The following NTAQ1 variants were observed in gnomAD, a reference collection of about 807,000 sequenced individuals.
NTAQ1 encodes protein N-terminal glutamine amidohydrolase.
NTAQ1 carries 21 observed loss-of-function variants against 28.2 expected under a neutral mutation model. The observed-to-expected ratio is 0.74, with a 90% CI of 0.53 to 1.07. The LOEUF (loss-of-function observed/expected upper bound fraction) is 1.07, where lower values mean the gene tolerates loss of function less well. Among genes scored for constraint, NTAQ1 ranks in the 50% least tolerant of loss-of-function variants. The pLI is 0.00. For missense variants in NTAQ1, 264 were observed against 256.6 expected, an observed-to-expected ratio of 1.03 and a Z score of -0.20; for synonymous variants, 105 against 90.0, an observed-to-expected ratio of 1.17 and a Z score of -0.94.
intron 3 of NTAQ1, among the ~76,000 whole-genome samples, chr8:123,430,815 A>G (rs1189170110): frequency 6.6e-6 from 1 of 152,162 alleles, no homozygotes; most frequent in Non-Finnish European, 1.5e-5. Context: ...GATTTAGTAA[A>G]TCTAGAGAGG....
chr8:123,472,036 C>T (rs1461669818), downstream of NTAQ1, among the ~76,000 whole-genome samples: 1 of 152,150 alleles, frequency 6.6e-6, no homozygotes, highest in East Asian at 1.9e-4. Flanking sequence ...GTACCTGTTG[C>T]TTTGTACTGT....
rs148993891 is a variant in NTAQ1 at position 123,439,621 on chromosome 8, C to T, written c.509-1685C>T. On this transcript the variant is annotated intron_variant, in intron 5 of 5. Transcript: ENST00000287387. ...TCGGCCTCCCAAAGTGCTGGGATTA[C>T]AGGCGTGAGCCACCGCGCCGGCCAC... Among the ~76,000 whole-genome samples, 979 of 152,060 alleles carry T rather than the reference C, an allele frequency of 6.4e-3. 17 individuals are homozygous for T. The highest frequency in any genetic ancestry group is 0.022 in the African/African-American group (934 of 41,534).
At position 123,416,827 on chromosome 8, in the gene NTAQ1, G is replaced by C; in HGVS notation, c.-23G>C. The C allele has an allele frequency of 6.6e-7, 1 of 1,523,882 alleles. No homozygotes were observed. Among genetic ancestry groups the C allele is most frequent in the Non-Finnish European group, 8.8e-7 (1 of 1,136,596 alleles). The allele number at this position is 1,523,882 out of a possible 1,614,324, so 94.4% of individuals were successfully genotyped here. The stretch of plus-strand genomic sequence containing the variant: ...GTCCAGTCGGTCTTCCTCCGGCCCG[G>C]GCCCTGGCCCAGCTAGCCGGCCATG... On this transcript the variant is annotated 5_prime_UTR_variant, in exon 1 of 6. Coordinates refer to ENST00000287387, the MANE Select transcript of NTAQ1 (RefSeq NM_018024.3).
At chr8:123,424,322 A>G (rs10096099) in intron 1 of NTAQ1, among the ~76,000 whole-genome samples, 27,719 of 151,754 alleles carry the variant, frequency 0.18, 2,970 homozygotes, top group Non-Finnish European at 0.25. Context: ...AGCTTGCTGC[A>G]ACCGCCGCCT....
intron 1 of NTAQ1, among the ~76,000 whole-genome samples, chr8:123,423,160 T>C (rs1027565836): frequency 6.6e-6 from 1 of 152,102 alleles, no homozygotes; most frequent in African/African-American, 2.4e-5. Flanking sequence ...AGTTTTAGAA[T>C]AGTTTCTTCT....
the NTAQ1 span, among the ~76,000 whole-genome samples, chr8:123,475,121 T>TTTTATTTTATGGG: frequency 3.3e-5 from 5 of 152,334 alleles, no homozygotes; most frequent in South Asian, 2.1e-4. Flanking sequence ...TGAATATTTA[T>TTTTATTTTATGGG]TTTATTTTAT....
At chr8:123,445,649 A>C (rs751832790), downstream of NTAQ1, among the ~76,000 whole-genome samples, 1 of 152,226 alleles carries the variant, frequency 6.6e-6, no homozygotes, top group Non-Finnish European at 1.5e-5. Flanking sequence ...TCTGTTGCCC[A>C]GGTTGGAGTG....
At chr8:123,417,185 G>C (rs1424168771) in intron 1 of NTAQ1, among the ~76,000 whole-genome samples, 2 of 152,214 alleles carry the variant, frequency 1.3e-5, no homozygotes, top group Non-Finnish European at 2.9e-5. Flanking sequence ...GGCGCTTGTC[G>C]GTTGGATTTG....
At chr8:123,419,964 A>T (rs1340541097) in intron 1 of NTAQ1, among the ~76,000 whole-genome samples, 1 of 151,970 alleles carries the variant, frequency 6.6e-6, no homozygotes, top group African/African-American at 2.4e-5. Flanking sequence ...GGTTTGTTAC[A>T]TGGGTAAAGT....
chr8:123,416,787 C>T lies in NTAQ1; in HGVS notation c.-63C>T. 6.8e-7 allele frequency: 1 copy of T among 1,464,264 alleles called. No individual in the cohort carries two copies. The highest frequency in any genetic ancestry group is 9.1e-7 in the Non-Finnish European group (1 of 1,103,814). 90.7% of individuals were successfully genotyped at this position (1,464,264 alleles called of 1,614,324 possible). On this transcript the variant is annotated 5_prime_UTR_variant, in exon 1 of 6. Transcript: ENST00000287387. ...CCCACGCGGGCCACTACAAGCCCGC[C>T]CTTTCCTACGTCTGGTCCAGTCGGT... is the stretch of plus-strand genomic sequence containing the variant.
chr8:123,472,660 A>G (rs1242467901), downstream of NTAQ1, among the ~76,000 whole-genome samples: 1 of 152,238 alleles, frequency 6.6e-6, no homozygotes, highest in Non-Finnish European at 1.5e-5. Context: ...AAGGTCCACC[A>G]TAATCCAGCA....
downstream of NTAQ1, among the ~76,000 whole-genome samples, chr8:123,474,416 T>G (rs1204275984): frequency 6.6e-6 from 1 of 152,214 alleles, no homozygotes. Flanking sequence ...TAATACAATT[T>G]TGGCAAGAAT....
rs1228706827 is a variant in NTAQ1 at position 123,427,971 on chromosome 8, A to G, written c.131A>G (p.Gln44Arg). Residue 44 changes from glutamine to arginine, a missense_variant, in exon 2 of 6, where the codon CAG (glutamine) becomes CGG (arginine). Gln to Arg is a conservative substitution (Grantham distance 43, BLOSUM62 1). Transcript: ENST00000287387. Reference sequence around the variant, plus strand: ...TGTGAATACATCAAAAACCATGACCAGTATCCTTTAGAAGAATGTTATGCT... The same window carrying G: ...TGTGAATACATCAAAAACCATGACCGGTATCCTTTAGAAGAATGTTATGCT... Reference protein sequence around the residue: ...KLCEYIKNHDQYPLEECYAVF... With the variant: ...KLCEYIKNHDRYPLEECYAVF... 1 of 1,611,678 alleles carries G rather than the reference A, an allele frequency of 6.2e-7. No individual in the cohort carries two copies. Among genetic ancestry groups the G allele is most frequent in the South Asian group, 1.1e-5 (1 of 90,228 alleles).
At chr8:123,434,978 T>C (rs569380123) in intron 3 of NTAQ1, among the ~76,000 whole-genome samples, 1 of 152,306 alleles carries the variant, frequency 6.6e-6, no homozygotes, top group South Asian at 2.1e-4. Context: ...AGGCACAGCA[T>C]CCCTAGTCTT....
At chr8:123,426,920 A>G (rs917388530) in intron 1 of NTAQ1, among the ~76,000 whole-genome samples, 2 of 152,154 alleles carry the variant, frequency 1.3e-5, no homozygotes, top group Non-Finnish European at 2.9e-5. Context: ...AGATCACACC[A>G]CTGCACTCCA....
downstream of NTAQ1, among the ~76,000 whole-genome samples, chr8:123,446,907 C>A (rs1305662672): frequency 1.3e-5 from 2 of 152,130 alleles, no homozygotes; most frequent in Non-Finnish European, 2.9e-5. Flanking sequence ...AAAGTAAGAA[C>A]AACAACAACA....
downstream of NTAQ1, among the ~76,000 whole-genome samples, chr8:123,472,850 G>A (rs777669138): frequency 2.6e-5 from 4 of 152,158 alleles, no homozygotes; most frequent in South Asian, 2.1e-4. Context: ...CTGTTAAGTG[G>A]TTGAGCTGAG....
rs115418152 is a variant in NTAQ1 at position 123,468,032 on chromosome 8, T to A, written c.*882T>A. 5.8e-3 allele frequency among the ~76,000 whole-genome samples: 878 copies of A among 152,182 alleles called. 10 individuals are homozygous for A. The highest frequency in any genetic ancestry group is 0.02 in the African/African-American group (837 of 41,510). On this transcript the variant is annotated 3_prime_UTR_variant, in exon 7 of 7. Transcript: ENST00000650311. ...CAAAGTGCTGGAGGTTCAGGATCTCTAAATGAGAGGTAAACAAACTGAAGC... is the reference window on the plus strand; with the variant it reads ...CAAAGTGCTGGAGGTTCAGGATCTCAAAATGAGAGGTAAACAAACTGAAGC...
At chr8:123,420,787 T>G (rs538995851) in intron 1 of NTAQ1, among the ~76,000 whole-genome samples, 7 of 151,596 alleles carry the variant, frequency 4.6e-5, no homozygotes, top group Non-Finnish European at 1.0e-4. Flanking sequence ...TTGTTTATTT[T>G]TATTTATTTA....
Sources: allele counts gnomAD v4.1 joint callset (sites outside exome capture counted in the v4.1 genomes callset), GRCh38; gene constraint gnomAD v4.1.1; transcripts MANE v1.5; gene names NCBI Gene and HGNC (gene_info 2026-07-23, HGNC 2026-07-21).